The following CDH13 variants were observed in gnomAD, a reference collection of about 807,000 sequenced individuals.
The protein encoded by CDH13 is cadherin 13.
CDH13 carries 24 observed loss-of-function variants against 63.8 expected under a neutral mutation model. That is an observed-to-expected ratio of 0.38 (90% CI 0.27 to 0.53). The LOEUF is 0.53. Ranked by LOEUF, CDH13 falls within the 20% of genes least tolerant of loss-of-function variation. The pLI is 0.85. For synonymous variants in CDH13, 503 were observed against 355.3 expected (o/e 1.42, Z -4.67); for missense variants, 1,049 against 903.1 (o/e 1.16, Z -2.07).
chr16:83,304,288 C>T (rs1190045379), intron 5 of CDH13, among the ~76,000 whole-genome samples: 1 of 152,084 alleles, frequency 6.6e-6, no homozygotes, highest in Non-Finnish European at 1.5e-5. Context: ...CATCTTGAAC[C>T]ATCCACTAAA....
intron 6 of CDH13, among the ~76,000 whole-genome samples, chr16:83,385,991 C>G (rs976321643): frequency 2.0e-5 from 3 of 152,174 alleles, no homozygotes; most frequent in African/African-American, 7.2e-5. Context: ...ATTCTAGAAC[C>G]AGCATCTCCA....
intron 4 of CDH13, among the ~76,000 whole-genome samples, chr16:83,168,515 A>G (rs1010725578): frequency 1.3e-5 from 2 of 152,064 alleles, no homozygotes; most frequent in African/African-American, 4.8e-5. Context: ...AACTTTACCT[A>G]ACTTCTCCAA....
intron 4 of CDH13, among the ~76,000 whole-genome samples, chr16:83,216,452 C>A (rs1262277179): frequency 9.4e-5 from 3 of 31,954 alleles, no homozygotes; most frequent in African/African-American, 1.6e-4. Flanking sequence ...ATACACAACC[C>A]TAATTTGAGG....
chr16:82,960,392 C>T (rs1010510704), intron 2 of CDH13, among the ~76,000 whole-genome samples: 1 of 152,044 alleles, frequency 6.6e-6, no homozygotes, highest in Non-Finnish European at 1.5e-5. Context: ...TGGGAGCTGA[C>T]ATGGGAAAGA....
At chr16:83,661,078 G>A (rs1044749537) in intron 8 of CDH13, among the ~76,000 whole-genome samples, 18 of 150,840 alleles carry the variant, frequency 1.2e-4, no homozygotes, top group African/African-American at 4.4e-4. Context: ...AAAATCCCAG[G>A]CAGGAATTCT....
intron 1 of CDH13, among the ~76,000 whole-genome samples, chr16:82,706,856 T>C (rs976215689): frequency 1.3e-5 from 2 of 152,084 alleles, no homozygotes; most frequent in African/African-American, 4.8e-5. Context: ...AATGTGAGAA[T>C]GTTCTCAGTG....
At chr16:83,019,302 T>A (rs146876539) in intron 2 of CDH13, among the ~76,000 whole-genome samples, 1,790 of 152,192 alleles carry the variant, frequency 0.012, 14 homozygotes, top group Non-Finnish European at 0.017. Flanking sequence ...AGCTGAGACA[T>A]GAACACATAC....
chr16:83,277,121 G>T (rs1032131458), intron 5 of CDH13, among the ~76,000 whole-genome samples: 4 of 152,088 alleles, frequency 2.6e-5, no homozygotes, highest in Non-Finnish European at 5.9e-5. Context: ...CACAATACCT[G>T]TTACAAAATG....
chr16:83,035,882 GC>G (rs1308536004), intron 3 of CDH13, among the ~76,000 whole-genome samples: 5 of 152,284 alleles, frequency 3.3e-5, no homozygotes, highest in Admixed American at 6.5e-5. Flanking sequence ...ATAGCACTCA[GC>G]TGATGCTACA....
chr16:82,772,376 A>G (rs529511518), intron 1 of CDH13, among the ~76,000 whole-genome samples: 12 of 152,296 alleles, frequency 7.9e-5, no homozygotes. Flanking sequence ...CAGGGACAGC[A>G]TCTACTGCAG....
intron 1 of CDH13, among the ~76,000 whole-genome samples, chr16:82,809,251 T>C (rs1023565415): frequency 6.6e-6 from 1 of 152,130 alleles, no homozygotes; most frequent in Non-Finnish European, 1.5e-5. Context: ...TATTACATTA[T>C]TTTTTCATGT....
chr16:83,359,395 G>C (rs1205874582), intron 6 of CDH13, among the ~76,000 whole-genome samples: 1 of 152,160 alleles, frequency 6.6e-6, no homozygotes, highest in African/African-American at 2.4e-5. Flanking sequence ...AATGCCACGT[G>C]GGTCACAAAT....
intron 8 of CDH13, among the ~76,000 whole-genome samples, chr16:83,644,055 C>T (rs189475239): frequency 8.3e-4 from 127 of 152,318 alleles, no homozygotes; most frequent in African/African-American, 3.0e-3. Flanking sequence ...GATCAGCCCC[C>T]GCCAGCTCCA....
At chr16:83,609,515 A>G (rs1277306965) in intron 8 of CDH13, among the ~76,000 whole-genome samples, 1 of 152,178 alleles carries the variant, frequency 6.6e-6, no homozygotes, top group Non-Finnish European at 1.5e-5. Flanking sequence ...TCTTTTTCCA[A>G]TGTGTTTATT....
chr16:82,751,759 G>A (rs62034519), intron 1 of CDH13, among the ~76,000 whole-genome samples: 14,084 of 151,324 alleles, frequency 0.093, 780 homozygotes, highest in Non-Finnish European at 0.12. Flanking sequence ...GCACGTTTTC[G>A]TTTTGTACCT....
At chr16:82,691,282 A>T (rs777722711) in intron 1 of CDH13, among the ~76,000 whole-genome samples, 1 of 152,202 alleles carries the variant, frequency 6.6e-6, no homozygotes, top group Non-Finnish European at 1.5e-5. Context: ...GTCTCCCTAT[A>T]TGCCAATGGC....
At chr16:83,188,537 A>G (rs1038072584) in intron 4 of CDH13, among the ~76,000 whole-genome samples, 1 of 152,112 alleles carries the variant, frequency 6.6e-6, no homozygotes, top group African/African-American at 2.4e-5. Context: ...AAGCTCAGAG[A>G]CATTCAGGGA....
chr16:83,682,076 G>T (rs554603831), intron 10 of CDH13, among the ~76,000 whole-genome samples: 9 of 152,246 alleles, frequency 5.9e-5, no homozygotes, highest in African/African-American at 2.2e-4. Context: ...TGATACCTCT[G>T]TTCTTGTCTT....
At chr16:83,661,223 ACACCTATAATTGCAG>A (rs1352377647) in intron 8 of CDH13, among the ~76,000 whole-genome samples, 6 of 152,146 alleles carry the variant, frequency 3.9e-5, no homozygotes, top group Non-Finnish European at 7.3e-5. Context: ...TCAGTGGCTC[ACACCTATAATTGCAG>A]CACTTTGCGG....
Sources: gnomAD v4.1 joint callset for allele counts (sites outside exome capture counted in the v4.1 genomes callset) on GRCh38, gnomAD v4.1.1 for gene constraint, MANE v1.5 for transcripts, NCBI Gene and HGNC (gene_info 2026-07-23, HGNC 2026-07-21) for gene names.